Variants in SPEG observed in about 807,000 individuals in gnomAD.
SPEG encodes the protein striated muscle enriched protein kinase.
A neutral mutation model predicts 300.4 loss-of-function variants in SPEG; 114 were observed. The observed-to-expected ratio is 0.38, with a 90% CI of 0.33 to 0.44. The LOEUF (loss-of-function observed/expected upper bound fraction) is 0.44. Among genes scored for constraint, SPEG ranks in the 20% least tolerant of loss-of-function variants. SPEG has a pLI of 1.00. For missense variants in SPEG, 4,201 were observed against 4,586.2 expected, an observed-to-expected ratio of 0.92 and a Z score of 2.43; for synonymous variants, 1,964 against 2,018.9, an observed-to-expected ratio of 0.97 and a Z score of 0.73.
intron 39 of SPEG, 107 bp downstream of exon 39, chr2:219,491,976 C>A: frequency 7.5e-7 from 1 of 1,337,526 alleles, no homozygotes. Flanking sequence ...CCTGTACACA[C>A]ATCCACACTG....
rs940708695 is a variant in SPEG, at chr2:219,461,301, G to A, written c.2441-581G>A. 4 of 986,906 alleles carry A rather than the reference G, an allele frequency of 4.1e-6. No homozygotes were observed. In the African/African-American group the frequency reaches 7.0e-5, roughly 17 times the overall value. 61.1% of individuals were successfully genotyped at this position (986,906 alleles called of 1,614,324 possible). ...CAAGCTGTAGGGCTGTGGCCAACAG[G>A]TGCCCCTGGGGTTTGCACGGCAGGA... is the stretch of plus-strand genomic sequence containing the variant. On this transcript the variant is annotated intron_variant, in intron 6 of 40. Coordinates refer to ENST00000312358, the MANE Select transcript of SPEG (RefSeq NM_005876.5).
At position 219,446,215 on chromosome 2, in the gene SPEG, C is replaced by T. The variant is rs543142584; in HGVS notation, c.815+1054C>T. On this transcript the variant is annotated intron_variant, in intron 3 of 40. Transcript: ENST00000312358. The stretch of plus-strand genomic sequence containing the variant: ...CTTGGCTTATCTTCTTGGCCTTACC[C>T]GGTGTTCCTGTGCCCTGGACTTGCC... Among the ~76,000 whole-genome samples the T allele has an allele frequency of 2.2e-4, 34 of 152,294 alleles. No individual in the cohort carries two copies. The East Asian group carries it at 4.2e-3, about 19-fold the overall frequency.
intron 13 of SPEG, among the ~76,000 whole-genome samples, chr2:219,471,390 C>T (rs1221058364): frequency 6.6e-6 from 1 of 152,138 alleles, no homozygotes; most frequent in Non-Finnish European, 1.5e-5. Context: ...CTTTGCTGTC[C>T]TCCTGGAGGG....
intron 34 of SPEG, 73 bp from the exon 35 acceptor site, chr2:219,488,981 C>A: frequency 6.2e-7 from 1 of 1,605,120 alleles, no homozygotes; most frequent in Non-Finnish European, 8.5e-7. Flanking sequence ...CCCTCCCAGG[C>A]TCCACAGATA....
intron 6 of SPEG, chr2:219,461,085 TG>T: frequency 1.1e-6 from 1 of 915,922 alleles, no homozygotes; most frequent in Non-Finnish European, 1.3e-6. Flanking sequence ...TGTCTGTATT[TG>T]GCAGTCGGAT....
At chr2:219,462,157 A>T (rs1386792891) in intron 7 of SPEG, 100 bp downstream of exon 7, 5 of 1,202,740 alleles carry the variant, frequency 4.2e-6, no homozygotes, top group Non-Finnish European at 5.8e-6. Context: ...CAAGACCTGG[A>T]ACTTTGCTCC....
chr2:219,487,015 CA>C (rs2125577606), intron 31 of SPEG, among the ~76,000 whole-genome samples: 2 of 152,254 alleles, frequency 1.3e-5, no homozygotes, highest in South Asian at 4.1e-4. Flanking sequence ...CCCAGTCCCC[CA>C]CAATTCTTCA....
At chr2:219,435,824 A>G (rs1954704232) in intron 1 of SPEG, among the ~76,000 whole-genome samples, 1 of 152,234 alleles carries the variant, frequency 6.6e-6, no homozygotes, top group African/African-American at 2.4e-5. Context: ...GGGATGGCTC[A>G]GAGCTCCCTG....
rs1325994974 is a variant in SPEG at position 219,459,448 on chromosome 2, T to C, written c.2441-2434T>C. Among the ~76,000 whole-genome samples, 1 of 152,180 alleles carries C rather than the reference T, an allele frequency of 6.6e-6. No individual in the cohort carries two copies. Among genetic ancestry groups the C allele is most frequent in the East Asian group, 1.9e-4 (1 of 5,192 alleles). On this transcript the variant is annotated intron_variant, in intron 6 of 40. Transcript: ENST00000312358. The surrounding 1 kb of genome is among the most constrained non-coding windows in gnomAD (Gnocchi z 4.9). ...CCTTGGTCACTCACTTTTGGAGGTA[T>C]GGAGGGGCAGAGGCTACTGCCTTGT...
At chr2:219,462,560 C>T (rs1690825365) in intron 8 of SPEG, among the ~76,000 whole-genome samples, 174 bp downstream of exon 8, 1 of 152,246 alleles carries the variant, frequency 6.6e-6, no homozygotes, top group Non-Finnish European at 1.5e-5. Flanking sequence ...TCCCTTGCCC[C>T]ATGTTCCAGG....
rs977796342 is a variant in SPEG, at chr2:219,459,841, G to A, written c.2441-2041G>A. 2.0e-5 allele frequency among the ~76,000 whole-genome samples: 3 copies of A among 152,172 alleles called. No homozygotes were observed. The highest frequency in any genetic ancestry group is 2.9e-5 in the Non-Finnish European group (2 of 68,022). ...TACCTCAAGACAGCCAGCCTGAACC[G>A]TGGGCCCCTCCTCTGCCCGGCCCCC... is the stretch of plus-strand genomic sequence containing the variant. On this transcript the variant is annotated intron_variant, in intron 6 of 40. Transcript: ENST00000312358. The surrounding 1 kb of genome is among the most constrained non-coding windows in gnomAD (Gnocchi z 4.9).
At chr2:219,478,468 G>A (rs1692542244) in intron 22 of SPEG, among the ~76,000 whole-genome samples, 1 of 152,184 alleles carries the variant, frequency 6.6e-6, no homozygotes, top group Admixed American at 6.6e-5. Context: ...CTAGCACATG[G>A]CCTATGCTTT....
chr2:219,477,099 G>A lies in SPEG; in HGVS notation c.4560+117G>A. 9.5e-7 allele frequency: 1 copy of A among 1,057,564 alleles called. No individual in the cohort carries two copies. The highest frequency in any genetic ancestry group is 1.4e-6 in the Non-Finnish European group (1 of 737,348). 65.5% of individuals were successfully genotyped at this position (1,057,564 alleles called of 1,614,324 possible). ...CCGGGCAGAGGCGTGGTTAGGAGGA[G>A]GAAAGGGGCTGCAGAGGACTGACTA... On this transcript the variant is annotated intron_variant, in intron 19 of 40. Transcript: ENST00000312358. This position sits in a 1 kb window ranked among gnomAD's most constrained non-coding sequence, Gnocchi z 6.4.
chr2:219,442,850 G>A (rs986093805), intron 1 of SPEG, among the ~76,000 whole-genome samples: 1 of 152,090 alleles, frequency 6.6e-6, no homozygotes. Context: ...GGATGTTCCA[G>A]CTTCCACCTG....
At position 219,481,257 on chromosome 2, in the gene SPEG, C is replaced by T; in HGVS notation, c.5370-47C>T. On this transcript the variant is annotated intron_variant, in intron 26 of 40. Transcript: ENST00000312358. This position sits in a 1 kb window ranked among gnomAD's most constrained non-coding sequence, Gnocchi z 5.4. ...AGCCCTGTGCCCCCACTGACATTCC[C>T]CTTTGTCCCCGCCTGCCCCTCATGA... 2 of 1,596,784 alleles carry T rather than the reference C, an allele frequency of 1.3e-6. No individual in the cohort carries two copies. The highest frequency in any genetic ancestry group is 8.6e-7 in the Non-Finnish European group (1 of 1,169,372).
chr2:219,455,196 A>C (rs1203155305), intron 6 of SPEG, among the ~76,000 whole-genome samples: 1 of 152,222 alleles, frequency 6.6e-6, no homozygotes, highest in Non-Finnish European at 1.5e-5. Context: ...TATTTTGTTT[A>C]ATCCAGCCTT....
rs1432145911 is a variant in SPEG, at chr2:219,477,119, T to C, written c.4560+137T>C. 3 of 998,834 alleles carry C rather than the reference T, an allele frequency of 3.0e-6. No individual in the cohort carries two copies. The highest frequency in any genetic ancestry group is 1.6e-5 in the African/African-American group (1 of 63,294). The allele number at this position is 998,834 out of a possible 1,614,324, so 61.9% of individuals were successfully genotyped here. On this transcript the variant is annotated intron_variant, in intron 19 of 40. Transcript: ENST00000312358. This position sits in a 1 kb window ranked among gnomAD's most constrained non-coding sequence, Gnocchi z 6.4. ...GAGGAGGAAAGGGGCTGCAGAGGAC[T>C]GACTAGCTGAGGGGTGCAGGGCTTT...
At chr2:219,442,001 C>A in intron 1 of SPEG, 1 of 509,458 alleles carries the variant, frequency 2.0e-6, no homozygotes, top group Admixed American at 5.0e-5. Context: ...CCGCCCCGCC[C>A]CCGCCCGTCC....
intron 9 of SPEG, chr2:219,466,131 G>A (rs1232383394): frequency 3.8e-6 from 6 of 1,563,240 alleles, no homozygotes; most frequent in Admixed American, 1.8e-5. Context: ...GGCACCTCTC[G>A]GACCTCGCTG....
Sources: allele counts gnomAD v4.1 joint callset (sites outside exome capture counted in the v4.1 genomes callset), GRCh38; gene constraint gnomAD v4.1.1; non-coding constraint Gnocchi (gnomAD v3.1); transcripts MANE v1.5; gene names NCBI Gene and HGNC (gene_info 2026-07-23, HGNC 2026-07-21).